PNPT1: variants seen among roughly 807,000 people sequenced by gnomAD.
PNPT1 encodes polyribonucleotide nucleotidyltransferase 1, mitochondrial.
Under a neutral mutation model 119.5 loss-of-function variants are expected in PNPT1, and 53 were observed. The observed-to-expected ratio is 0.44, with a 90% CI of 0.36 to 0.56. The LOEUF (loss-of-function observed/expected upper bound fraction) is 0.56, where lower values mean the gene tolerates loss of function less well. PNPT1 is among the 20% of genes least tolerant of loss of function. PNPT1 has a pLI of 0.00. For synonymous variants in PNPT1, 357 were observed against 322.1 expected (o/e 1.11, Z -1.16); for missense variants, 948 against 938.5 (o/e 1.01, Z -0.13).
chr2:55,668,267 C>A (rs563342782), intron 11 of PNPT1, among the ~76,000 whole-genome samples: 1 of 152,172 alleles, frequency 6.6e-6, no homozygotes, highest in South Asian at 2.1e-4. Context: ...GACAAAGTCT[C>A]ACTCTGTTGT....
intron 15 of PNPT1, among the ~76,000 whole-genome samples, chr2:55,659,363 A>G (rs1052579119): frequency 6.6e-6 from 1 of 152,244 alleles, no homozygotes. Context: ...ATCTATAATC[A>G]TCTCATATAA....
intron 5 of PNPT1, 138 bp downstream of exon 5, chr2:55,683,647 A>C: frequency 1.3e-6 from 1 of 782,814 alleles, no homozygotes; most frequent in Non-Finnish European, 1.9e-6. Flanking sequence ...ATCTTTTTTC[A>C]AAAACGTAAT....
At chr2:55,677,216 T>C (rs974438639) in intron 8 of PNPT1, among the ~76,000 whole-genome samples, 1 of 152,252 alleles carries the variant, frequency 6.6e-6, no homozygotes, top group Non-Finnish European at 1.5e-5. Context: ...AGTCTCATTC[T>C]TCCCTCCTGT....
rs1695951099 is a variant in PNPT1 at position 55,645,241 on chromosome 2, G to C, written c.1822+108C>G. The C allele has an allele frequency of 4.6e-6, 3 of 657,528 alleles. No homozygotes were observed. The South Asian group carries it at 5.2e-5, about 11-fold the overall frequency. 40.7% of individuals were successfully genotyped at this position (657,528 alleles called of 1,614,324 possible). A position where few individuals can be genotyped will look rare whatever the true frequency, so the allele number is the denominator to read the frequency against. On this transcript the variant is annotated intron_variant, in intron 22 of 27. Transcript: ENST00000447944. ...GGGTTTCACCGTGTTAGCCAGGATG[G>C]TCTCGATCTCCTGACCTTGTGATCC...
At chr2:55,643,549 A>T in intron 23 of PNPT1, 124 bp from the exon 24 acceptor site, 1 of 770,324 alleles carries the variant, frequency 1.3e-6, no homozygotes, top group South Asian at 1.7e-5. Context: ...GTTCAAGGCC[A>T]GCCTGGGCAA....
intron 3 of PNPT1, among the ~76,000 whole-genome samples, chr2:55,685,756 G>C (rs1697386477): frequency 6.6e-6 from 1 of 152,056 alleles, no homozygotes; most frequent in Non-Finnish European, 1.5e-5. Context: ...ATTGGTTCTA[G>C]GACCTCTTGC....
chr2:55,663,133 C>T (rs1340848380), intron 13 of PNPT1, among the ~76,000 whole-genome samples: 2 of 152,088 alleles, frequency 1.3e-5, no homozygotes, highest in African/African-American at 2.4e-5. Context: ...ATCCATCTGC[C>T]TTGGCCTCCC....
At chr2:55,662,492 C>T (rs1454881805) in intron 13 of PNPT1, among the ~76,000 whole-genome samples, 13 of 152,058 alleles carry the variant, frequency 8.5e-5, no homozygotes, top group Admixed American at 2.0e-4. Flanking sequence ...CTGGCCGATA[C>T]GGTGAAACCC....
intron 7 of PNPT1, 152 bp downstream of exon 7, chr2:55,680,560 G>T (rs1032119485): frequency 2.9e-6 from 2 of 690,972 alleles, no homozygotes; most frequent in Admixed American, 3.1e-5. Flanking sequence ...GAAAATGTCT[G>T]AAAGACCTGA....
In PNPT1 at chr2:55,644,674, A is replaced by C. The variant is rs1367197547; in HGVS notation, c.1869T>G (p.Pro623=). The change falls in exon 23 of 28, where the codon CCT becomes CCG. Residue 623 remains proline (P), a synonymous_variant. Transcript: ENST00000447944. ...GAAGTTTTTTTAAGTTATAGCCACC[A>C]GGTCCAACAAATTTTGCTCGTTTTG... is the stretch of plus-strand genomic sequence containing the variant. The part of the protein sequence containing the change: ...PLSKRAKFVG[P]GGYNLKKLQA... 4 of 1,612,678 alleles carry C rather than the reference A, an allele frequency of 2.5e-6. No homozygotes were observed. Among genetic ancestry groups the C allele is most frequent in the Non-Finnish European group, 3.4e-6 (4 of 1,179,060 alleles).
intron 21 of PNPT1, among the ~76,000 whole-genome samples, chr2:55,645,868 C>A (rs56098806): frequency 0.043 from 6,547 of 152,066 alleles, 182 homozygotes; most frequent in South Asian, 0.081. Context: ...CCCTCTGTCA[C>A]CCAGGCTGGC....
intron 5 of PNPT1, among the ~76,000 whole-genome samples, chr2:55,682,710 C>T (rs1697286421): frequency 1.3e-5 from 2 of 152,010 alleles, no homozygotes; most frequent in East Asian, 3.8e-4. Flanking sequence ...GAGTTCAAGA[C>T]CAGCCTGGCT....
At chr2:55,685,581 C>T (rs924348684) in intron 3 of PNPT1, among the ~76,000 whole-genome samples, 1 of 152,122 alleles carries the variant, frequency 6.6e-6, no homozygotes, top group African/African-American at 2.4e-5. Context: ...AGAAGACTCA[C>T]TATTTGCCAC....
chr2:55,680,797 T>C lies in PNPT1; in HGVS notation c.518-38A>G, dbSNP rs763703899. The C allele has an allele frequency of 1.2e-5, 20 of 1,612,298 alleles. No individual in the cohort carries two copies. In the East Asian group the frequency reaches 3.8e-4, roughly 31 times the overall value. On this transcript the variant is annotated intron_variant, in intron 6 of 27. Transcript: ENST00000447944. Reference sequence around the variant, plus strand: ...GAAAAATCAGGGCCGAAATTAAAATTTCATTGCTTTAAAAAAATTTTTAAT... The same window carrying C: ...GAAAAATCAGGGCCGAAATTAAAATCTCATTGCTTTAAAAAAATTTTTAAT...
In PNPT1 at chr2:55,671,336, G is replaced by GT; in HGVS notation, c.958dup (p.Thr320AsnfsTer16). On this transcript the variant is annotated frameshift_variant, in exon 11 of 28. Coordinates refer to ENST00000447944, the MANE Select transcript of PNPT1 (RefSeq NM_033109.5). LOFTEE classifies it high-confidence loss of function. ...AAATTTACCTTTTAGTTGTTCCTCC[G>GT]TATCTAATCTTATTTTGTTAACAGC... 6.5e-7 allele frequency: 1 copy of GT among 1,534,744 alleles called. No individual in the cohort carries two copies. Among genetic ancestry groups the GT allele is most frequent in the Non-Finnish European group, 8.8e-7 (1 of 1,139,624 alleles).
chr2:55,682,895 G>C (rs1444906399), intron 5 of PNPT1, among the ~76,000 whole-genome samples: 1 of 152,092 alleles, frequency 6.6e-6, no homozygotes, highest in Non-Finnish European at 1.5e-5. Context: ...GGGCAACAGA[G>C]GTCCTGACTC....
At chr2:55,651,295 C>T (rs1483625634) in intron 18 of PNPT1, among the ~76,000 whole-genome samples, 32 of 151,798 alleles carry the variant, frequency 2.1e-4, no homozygotes, top group Admixed American at 4.6e-4. Flanking sequence ...TCATTGAGAA[C>T]GGGCCATGAT....
intron 13 of PNPT1, 150 bp from the exon 14 acceptor site, chr2:55,662,176 T>A: frequency 1.7e-6 from 1 of 584,592 alleles, no homozygotes; most frequent in South Asian, 3.3e-5. Flanking sequence ...ATTAAACACT[T>A]ATTTATTCTA....
chr2:55,680,546 G>C (rs181370668), intron 7 of PNPT1, among the ~76,000 whole-genome samples, 166 bp downstream of exon 7: 1 of 151,788 alleles, frequency 6.6e-6, no homozygotes, highest in African/African-American at 2.4e-5. Context: ...CCCAAGACAA[G>C]GATGAAAATG....
Sources: gnomAD v4.1 joint callset for allele counts (sites outside exome capture counted in the v4.1 genomes callset) on GRCh38, gnomAD v4.1.1 for gene constraint, MANE v1.5 for transcripts, NCBI Gene and HGNC (gene_info 2026-07-23, HGNC 2026-07-21) for gene names.